The following TNFAIP8 variants were observed in gnomAD, a reference collection of about 807,000 sequenced individuals.
TNFAIP8 encodes the protein TNF alpha induced protein 8, also known as tumor necrosis factor alpha-induced protein 8.
In TNFAIP8, 7 loss-of-function variants were observed where a neutral mutation model predicts 13.3. The ratio of observed to expected loss-of-function variants is 0.52; its 90% CI spans 0.30 to 0.99. TNFAIP8 has a LOEUF of 0.99. TNFAIP8 is among the 50% of genes least tolerant of loss of function. The probability of loss-of-function intolerance (pLI) is 0.07; values close to 1 mark genes in which losing one functional copy is unlikely to be tolerated. For synonymous variants in TNFAIP8, 94 were observed against 87.6 expected (o/e 1.07, Z -0.41); for missense variants, 258 against 236.9 (o/e 1.09, Z -0.58).
chr5:119,383,543 T>C (rs774447003), intron 1 of TNFAIP8, among the ~76,000 whole-genome samples: 9 of 152,260 alleles, frequency 5.9e-5, no homozygotes, highest in Non-Finnish European at 1.2e-4. Flanking sequence ...CCTAGTTTTA[T>C]GTGGAATTAT....
Position 119,393,644 on chromosome 5 carries a change from A to G in TNFAIP8, c.*263A>G. On this transcript the variant is annotated 3_prime_UTR_variant, in exon 2 of 2. Coordinates refer to ENST00000504771, the MANE Select transcript of TNFAIP8 (RefSeq NM_014350.4). ...GGTTGGGTAATGCAAATGTAGTTAT[A>G]CAAAGAAAAATACAGATGTCTCCAG... 1 of 411,252 alleles carries G rather than the reference A, an allele frequency of 2.4e-6. No homozygotes were observed. Among genetic ancestry groups the G allele is most frequent in the Non-Finnish European group, 4.4e-6 (1 of 225,484 alleles). The allele number at this position is 411,252 out of a possible 1,614,324, so 25.5% of individuals were successfully genotyped here.
intron 1 of TNFAIP8, among the ~76,000 whole-genome samples, chr5:119,322,049 C>G (rs1359738570): frequency 1.3e-5 from 2 of 152,128 alleles, no homozygotes; most frequent in South Asian, 2.1e-4. Context: ...GCCTGGAAGC[C>G]CCTTCCCTAT....
In TNFAIP8 at chr5:119,393,592, G is replaced by A. The variant is rs1016502998; in HGVS notation, c.*211G>A. 10 of 541,130 alleles carry A rather than the reference G, an allele frequency of 1.8e-5. No homozygotes were observed. Among genetic ancestry groups the A allele is most frequent in the Admixed American group, 6.5e-5 (2 of 30,846 alleles). 33.5% of individuals were successfully genotyped at this position (541,130 alleles called of 1,614,324 possible). On this transcript the variant is annotated 3_prime_UTR_variant, in exon 2 of 2. Coordinates refer to ENST00000504771, the MANE Select transcript of TNFAIP8 (RefSeq NM_014350.4). Reference sequence around the variant, plus strand: ...AAATTCTGGTTAAAAGCTTCCTAACGGGTAACAGACCATGGGAGAGATATG... The same window carrying A: ...AAATTCTGGTTAAAAGCTTCCTAACAGGTAACAGACCATGGGAGAGATATG...
At position 119,275,576 on chromosome 5, in the gene TNFAIP8, C is replaced by T. The variant is rs539198531; in HGVS notation, c.1+6669C>T. On this transcript the variant is annotated intron_variant, in intron 1 of 1. Coordinates refer to the TNFAIP8 transcript ENST00000274456. ...GGAATCTATTCTGTTCTCAGAGTGT[C>T]CCTCTCATTTTGTAATGGTAGAAAA... is the stretch of plus-strand genomic sequence containing the variant. 1.9e-3 allele frequency among the ~76,000 whole-genome samples: 284 copies of T among 149,212 alleles called. 1 individual carries two copies. The highest frequency in any genetic ancestry group is 2.7e-3 in the Non-Finnish European group (182 of 67,152).
intron 1 of TNFAIP8, among the ~76,000 whole-genome samples, chr5:119,370,728 A>T (rs1227711017): frequency 6.6e-6 from 1 of 152,228 alleles, no homozygotes; most frequent in East Asian, 1.9e-4. Context: ...TGATTTAAAA[A>T]TATATAAAAA....
intron 1 of TNFAIP8, among the ~76,000 whole-genome samples, chr5:119,327,490 G>A (rs1039519959): frequency 3.3e-5 from 5 of 152,070 alleles, no homozygotes; most frequent in African/African-American, 2.4e-5. Flanking sequence ...ACAGAGTCTC[G>A]CTCTGTTACC....
At chr5:119,291,664 A>G (rs1367027297) in intron 1 of TNFAIP8, among the ~76,000 whole-genome samples, 2 of 152,246 alleles carry the variant, frequency 1.3e-5, no homozygotes, top group East Asian at 3.8e-4. Flanking sequence ...TTTATGGGAT[A>G]AAATTCCTTT....
intron 1 of TNFAIP8, among the ~76,000 whole-genome samples, chr5:119,363,460 G>A (rs1751707355): frequency 6.6e-6 from 1 of 152,218 alleles, no homozygotes; most frequent in African/African-American, 2.4e-5. Flanking sequence ...CTAGTTGCCA[G>A]TAGATTCCTT....
At chr5:119,362,097 A>G (rs962033843) in intron 1 of TNFAIP8, among the ~76,000 whole-genome samples, 1 of 152,248 alleles carries the variant, frequency 6.6e-6, no homozygotes, top group African/African-American at 2.4e-5. Context: ...AGGATCAGAC[A>G]GTGGACCCTA....
At chr5:119,384,120 G>A (rs1323378194) in intron 1 of TNFAIP8, among the ~76,000 whole-genome samples, 2 of 152,094 alleles carry the variant, frequency 1.3e-5, no homozygotes. Context: ...TAATTTCTCT[G>A]GGCCTCAGTC....
chr5:119,351,738 C>G (rs1751154867), upstream of TNFAIP8, among the ~76,000 whole-genome samples: 1 of 151,184 alleles, frequency 6.6e-6, no homozygotes, highest in Admixed American at 6.6e-5. Flanking sequence ...TTTTTCAATT[C>G]TAGTATATAC....
chr5:119,368,452 TGTGTGTGC>T (rs747929809), intron 1 of TNFAIP8, among the ~76,000 whole-genome samples: 23,081 of 146,062 alleles, frequency 0.16, 1,923 homozygotes, highest in Non-Finnish European at 0.18. Context: ...TGTGTGTGTG[TGTGTGTGC>T]GTGTGTGTGT....
At chr5:119,355,773 T>A, upstream of TNFAIP8, 3 of 302,574 alleles carry the variant, frequency 9.9e-6, no homozygotes, top group Non-Finnish European at 1.0e-5. Context: ...GGCTGCCGTC[T>A]GGGCCTGTGC....
At chr5:119,270,874 G>A (rs1033446788) in intron 1 of TNFAIP8, among the ~76,000 whole-genome samples, 1 of 152,158 alleles carries the variant, frequency 6.6e-6, no homozygotes, top group Non-Finnish European at 1.5e-5. Context: ...TCTACCAAAA[G>A]CATAGTGATC....
At chr5:119,292,718 T>TA (rs1749037948) in intron 1 of TNFAIP8, among the ~76,000 whole-genome samples, 1 of 107,238 alleles carries the variant, frequency 9.3e-6, no homozygotes, top group Middle Eastern at 6.2e-3. Flanking sequence ...TATTTAGCAA[T>TA]AAAAAAGAAC....
At chr5:119,273,763 C>T (rs1178194139) in intron 1 of TNFAIP8, among the ~76,000 whole-genome samples, 1 of 152,226 alleles carries the variant, frequency 6.6e-6, no homozygotes, top group African/African-American at 2.4e-5. Flanking sequence ...GGGGAAGTTG[C>T]GTGAGGTCCG....
intron 1 of TNFAIP8, among the ~76,000 whole-genome samples, chr5:119,372,616 TA>T (rs1752125930): frequency 6.6e-6 from 1 of 152,204 alleles, no homozygotes; most frequent in Non-Finnish European, 1.5e-5. Flanking sequence ...CCACATACCA[TA>T]AAAATACAAG....
chr5:119,289,393 C>T (rs1748914180), intron 1 of TNFAIP8, among the ~76,000 whole-genome samples: 1 of 152,120 alleles, frequency 6.6e-6, no homozygotes, highest in South Asian at 2.1e-4. Context: ...CCAAGAAGAC[C>T]TAAGAGGACT....
At chr5:119,294,349 A>G (rs1351118678) in intron 1 of TNFAIP8, among the ~76,000 whole-genome samples, 1 of 152,072 alleles carries the variant, frequency 6.6e-6, no homozygotes, top group Admixed American at 6.5e-5. Context: ...TTCCAATTTC[A>G]TCCATGTCCC....
Sources: allele counts gnomAD v4.1 joint callset (sites outside exome capture counted in the v4.1 genomes callset), GRCh38; gene constraint gnomAD v4.1.1; transcripts MANE v1.5; gene names NCBI Gene and HGNC (gene_info 2026-07-23, HGNC 2026-07-21).